BRAT1: variants seen among roughly 807,000 people sequenced by gnomAD.
BRAT1 encodes BRCA1 associated ATM activator 1.
Under a neutral mutation model 70.6 loss-of-function variants are expected in BRAT1, and 74 were observed. That is an observed-to-expected ratio of 1.05 (90% confidence interval 0.87 to 1.27). The LOEUF (loss-of-function observed/expected upper bound fraction) is 1.27, where lower values mean the gene tolerates loss of function less well. Among genes scored for constraint, BRAT1 ranks in the 50% most tolerant of loss-of-function variants. The pLI is 0.00. For missense variants in BRAT1, 1,203 were observed against 1,098.2 expected, an observed-to-expected ratio of 1.10 and a Z score of -1.35; for synonymous variants, 615 against 517.1, an observed-to-expected ratio of 1.19 and a Z score of -2.57.
Position 2,538,534 on chromosome 7 carries a change from C to T in BRAT1, c.2001G>A (p.Gly667=), listed in dbSNP as rs777864683. 4 of 1,604,776 alleles carry T rather than the reference C, an allele frequency of 2.5e-6. No homozygotes were observed. Among genetic ancestry groups the T allele is most frequent in the East Asian group, 4.5e-5 (2 of 44,802 alleles). ...LALVFLGQTL[G]PPRTHCPYAV... ...CATAGGGGCAGTGGGTACGCGGCGGCCCCAAAGTCTGGCCCAGGAACACGA... is the reference window on the plus strand; with the variant it reads ...CATAGGGGCAGTGGGTACGCGGCGGTCCCAAAGTCTGGCCCAGGAACACGA... The change falls in exon 14 of 14, where the codon GGG becomes GGA. Residue 667 remains glycine, a synonymous_variant. Coordinates refer to ENST00000340611, the MANE Select transcript of BRAT1 (RefSeq NM_152743.4).
rs769334756 is a variant in BRAT1, at chr7:2,543,336, C to G, written c.804-13G>C. ...GAACACGGGAGAACTGCAGGGAGAC[C>G]CCAGAGAGAAAAATTACTCCCCCAC... On this transcript the variant is annotated splice_polypyrimidine_tract_variant and intron_variant, in intron 5 of 13. Coordinates refer to ENST00000340611, the MANE Select transcript of BRAT1 (RefSeq NM_152743.4). This position sits in a 1 kb window ranked among gnomAD's most constrained non-coding sequence, Gnocchi z 5.5. 1 of 1,571,042 alleles carries G rather than the reference C, an allele frequency of 6.4e-7. No homozygotes were observed. The highest frequency in any genetic ancestry group is 1.7e-4 in the Middle Eastern group (1 of 5,868).
intron 12 of BRAT1, 41 bp downstream of exon 12, chr7:2,539,503 C>T (rs761031060): frequency 1.3e-6 from 2 of 1,524,058 alleles, no homozygotes; most frequent in Admixed American, 2.0e-5. Flanking sequence ...GTGAGCCCCC[C>T]ACAGGCGGGG....
rs556303347 is a variant in BRAT1, at chr7:2,537,964, G to A, written c.*105C>T. On this transcript the variant is annotated 3_prime_UTR_variant, in exon 14 of 14. Coordinates refer to ENST00000340611, the MANE Select transcript of BRAT1 (RefSeq NM_152743.4). ...CTCTCCTGGTCCTGGCTTCCCCAGAGGATCCACCGGGCTGGGCTGGAGCCC... is the reference window on the plus strand; with the variant it reads ...CTCTCCTGGTCCTGGCTTCCCCAGAAGATCCACCGGGCTGGGCTGGAGCCC... 2,441 of 1,397,878 alleles carry A rather than the reference G, an allele frequency of 1.7e-3. 7 individuals carry two copies. The highest frequency in any genetic ancestry group is 2.0e-3 in the Non-Finnish European group (2,163 of 1,076,690). 86.6% of individuals were successfully genotyped at this position (1,397,878 alleles called of 1,614,324 possible).
rs199766692 is a variant in BRAT1 at position 2,539,248 on chromosome 7, G to A, written c.1701C>T (p.Thr567=). The A allele has an allele frequency of 1.4e-4, 225 of 1,611,448 alleles. No homozygotes were observed. The highest frequency in any genetic ancestry group is 1.5e-4 in the South Asian group (14 of 91,016). The change falls in exon 13 of 14, where the codon ACC becomes ACT. Residue 567 remains threonine (T), a synonymous_variant. Coordinates refer to ENST00000340611, the MANE Select transcript of BRAT1 (RefSeq NM_152743.4). The part of the protein sequence containing the change: ...PESYVRASAV[T]AMGQLSSQGL... ...CCTGGCTGGACAGCTGCCCCATGGCGGTCACTGCACTCGCTCGGACATAAC... is the reference window on the plus strand; with the variant it reads ...CCTGGCTGGACAGCTGCCCCATGGCAGTCACTGCACTCGCTCGGACATAAC...
intron 3 of BRAT1, among the ~76,000 whole-genome samples, chr7:2,547,104 CA>C (rs1023228043): frequency 8.5e-5 from 13 of 152,150 alleles, no homozygotes; most frequent in Non-Finnish European, 1.8e-4. Context: ...CATCTTATTC[CA>C]AAAAACCTCA....
rs944687732 is a variant in BRAT1, at chr7:2,537,852, T to TAAAG, written c.*213_*216dup. 1.4e-6 allele frequency: 1 copy of TAAAG among 726,468 alleles called. No individual in the cohort carries two copies. The highest frequency in any genetic ancestry group is 3.8e-5 in the Admixed American group (1 of 26,510). The allele number at this position is 726,468 out of a possible 1,614,324, so 45.0% of individuals were successfully genotyped here. A position where few individuals can be genotyped will look rare whatever the true frequency, so the allele number is the denominator to read the frequency against. ...ATTATTAAATTAACTCAAAAAGGGT[T>TAAAG]AAAGAAAGACTTCAATGCCATTTAT... On this transcript the variant is annotated 3_prime_UTR_variant, in exon 14 of 14. Transcript: ENST00000340611.
At chr7:2,551,163 C>T (rs1402434605) in intron 2 of BRAT1, among the ~76,000 whole-genome samples, 1 of 151,788 alleles carries the variant, frequency 6.6e-6, no homozygotes. Context: ...TCGTTTGAAA[C>T]CCAGGAGGCG....
chr7:2,542,921 G>GTATT, intron 6 of BRAT1: 1 of 230,322 alleles, frequency 4.3e-6, no homozygotes, highest in South Asian at 1.2e-4. Flanking sequence ...GCAGCGGAGC[G>GTATT]CAGGGCGTCG....
intron 1 of BRAT1, among the ~76,000 whole-genome samples, chr7:2,555,131 G>A (rs573816089): frequency 6.6e-6 from 1 of 152,042 alleles, no homozygotes; most frequent in African/African-American, 2.4e-5. Context: ...CGGAAAGGAA[G>A]GGGCGCCTGT....
At position 2,539,240 on chromosome 7, in the gene BRAT1, C is replaced by T; in HGVS notation, c.1709G>A (p.Gly570Glu). 4 of 1,611,288 alleles carry T rather than the reference C, an allele frequency of 2.5e-6. No individual in the cohort carries two copies. Among genetic ancestry groups the T allele is most frequent in the Non-Finnish European group, 3.4e-6 (4 of 1,179,884 alleles). ...YVRASAVTAM[G>E]QLSSQGLHAP... ...GTGCAGGCCCTGGCTGGACAGCTGC[C>T]CCATGGCGGTCACTGCACTCGCTCG... Residue 570 changes from glycine to glutamate, a missense_variant, in exon 13 of 14, where the codon GGG becomes GAG. By Grantham distance (98) the Gly-to-Glu change is moderately conservative. Transcript: ENST00000340611.
At chr7:2,546,667 G>A (rs1779629101) in intron 3 of BRAT1, among the ~76,000 whole-genome samples, 2 of 151,418 alleles carry the variant, frequency 1.3e-5, no homozygotes, top group South Asian at 4.2e-4. Context: ...CCTGGGAGGT[G>A]GAGACTGCAG....
Position 2,541,925 on chromosome 7 carries a change from A to G in BRAT1, c.1016-89T>C, listed in dbSNP as rs112976303. 742 of 1,418,722 alleles carry G rather than the reference A, an allele frequency of 5.2e-4. 2 individuals are homozygous for G. In the African/African-American group the frequency reaches 9.6e-3, roughly 18 times the overall value. The allele number at this position is 1,418,722 out of a possible 1,614,324, so 87.9% of individuals were successfully genotyped here. A position where few individuals can be genotyped will look rare whatever the true frequency, so the allele number is the denominator to read the frequency against. ...ACCCCACGGTCACCACCCACAGCAC[A>G]GGCCAGGACCTAGGTGCAGAGCAGC... On this transcript the variant is annotated intron_variant, in intron 7 of 13. Transcript: ENST00000340611.
chr7:2,542,363 C>T (rs1032126521), intron 6 of BRAT1, 152 bp from the exon 7 acceptor site: 2 of 673,706 alleles, frequency 3.0e-6, no homozygotes, highest in African/African-American at 1.8e-5. Context: ...CAGGGGATGC[C>T]ATGGGACAGA....
intron 3 of BRAT1, 60 bp from the exon 4 acceptor site, chr7:2,545,116 A>G: frequency 2.1e-6 from 3 of 1,438,470 alleles, no homozygotes; most frequent in Non-Finnish European, 2.7e-6. Flanking sequence ...CTGTAATCCC[A>G]GCACTTTGGG....
chr7:2,543,610 G>C lies in BRAT1; in HGVS notation c.783C>G (p.Asp261Glu). Residue 261 changes from aspartate (D) to glutamate (E), a missense_variant, in exon 5 of 14, where the codon GAC becomes GAG. Physicochemically the swap from Asp to Glu is conservative, Grantham distance 45 (BLOSUM62 2). Coordinates refer to ENST00000340611, the MANE Select transcript of BRAT1 (RefSeq NM_152743.4). This position sits in a 1 kb window ranked among gnomAD's most constrained non-coding sequence, Gnocchi z 5.5. ...CTGACCGAGCCACACAGAGAAGCAG[G>C]TCCACGAACGAGTGTGCGGCGGGGA... Reference protein sequence around the residue: ...DPIPAAHSFVDLLLCVARSPV... With the variant: ...DPIPAAHSFVELLLCVARSPV... The C allele has an allele frequency of 1.3e-6, 2 of 1,524,646 alleles. No homozygotes were observed. The highest frequency in any genetic ancestry group is 1.8e-6 in the Non-Finnish European group (2 of 1,133,064). The allele number at this position is 1,524,646 out of a possible 1,614,324, so 94.4% of individuals were successfully genotyped here. A position where few individuals can be genotyped will look rare whatever the true frequency, so the allele number is the denominator to read the frequency against.
intron 10 of BRAT1, 108 bp downstream of exon 10, chr7:2,540,871 T>C: frequency 8.7e-7 from 1 of 1,150,114 alleles, no homozygotes; most frequent in South Asian, 2.0e-5. Context: ...TGTGGCCCTG[T>C]GTGAAGGCCC....
In BRAT1 at chr7:2,543,860, C is replaced by T. The variant is rs1036631412; in HGVS notation, c.533G>A (p.Gly178Asp). 2 of 1,612,836 alleles carry T rather than the reference C, an allele frequency of 1.2e-6. No individual in the cohort carries two copies. The highest frequency in any genetic ancestry group is 8.5e-7 in the Non-Finnish European group (1 of 1,179,938). Residue 178 changes from glycine (G) to aspartate (D), a missense_variant, in exon 5 of 14, where the codon GGT (glycine) becomes GAT (aspartate). Gly to Asp is a moderately conservative substitution (Grantham distance 94). Coordinates refer to ENST00000340611, the MANE Select transcript of BRAT1 (RefSeq NM_152743.4). The surrounding 1 kb of genome is among the most constrained non-coding windows in gnomAD (Gnocchi z 5.5). ...CAGGCAGGGCTGCCCCTCGGCTCCACCTCGCATGGACAAAGCCAGGACGTG... is the reference window on the plus strand; with the variant it reads ...CAGGCAGGGCTGCCCCTCGGCTCCATCTCGCATGGACAAAGCCAGGACGTG... ...LVHVLALSMR[G>D]GAEGQPCLPG...
intron 6 of BRAT1, 167 bp from the exon 7 acceptor site, chr7:2,542,378 C>T (rs1356416688): frequency 4.6e-6 from 3 of 645,632 alleles, no homozygotes; most frequent in East Asian, 2.8e-5. Flanking sequence ...GACAGAGTGG[C>T]GGGGAGGACA....
At chr7:2,547,261 C>G in intron 3 of BRAT1, 63 bp downstream of exon 3, 1 of 1,584,616 alleles carries the variant, frequency 6.3e-7, no homozygotes, top group Non-Finnish European at 8.6e-7. Context: ...CCCCACCTGG[C>G]TGCGGGAGGA....
Sources: gnomAD v4.1 joint callset for allele counts (sites outside exome capture counted in the v4.1 genomes callset) on GRCh38, gnomAD v4.1.1 for gene constraint, Gnocchi (gnomAD v3.1) non-coding constraint, MANE v1.5 for transcripts, NCBI Gene and HGNC (gene_info 2026-07-23, HGNC 2026-07-21) for gene names.